Variants in PLXNA4 observed in about 807,000 individuals in gnomAD.
The protein encoded by PLXNA4 is plexin-A4.
PLXNA4 carries 44 observed loss-of-function variants against 191.8 expected under a neutral mutation model. The observed-to-expected ratio is 0.23, with a 90% CI of 0.18 to 0.29. PLXNA4 has a LOEUF of 0.29. PLXNA4 is among the 10% of genes least tolerant of loss of function. PLXNA4 has a pLI of 1.00. For synonymous variants in PLXNA4, 1,082 were observed against 1,009.5 expected, an observed-to-expected ratio of 1.07 and a Z score of -1.36; for missense variants, 1,800 against 2,488.8, an observed-to-expected ratio of 0.72 and a Z score of 5.89.
chr7:132,384,008 C>A, intron 3 of PLXNA4: 1 of 985,466 alleles, frequency 1.0e-6, no homozygotes, highest in African/African-American at 1.7e-5. Flanking sequence ...TGGCCTGTTA[C>A]AAACCTCTGC....
At chr7:132,376,317 A>C (rs1804657663) in intron 3 of PLXNA4, among the ~76,000 whole-genome samples, 1 of 152,196 alleles carries the variant, frequency 6.6e-6, no homozygotes, top group South Asian at 2.1e-4. Context: ...CCGAGGATAC[A>C]GGGAAGGGAA....
At chr7:132,562,061 CT>C (rs1406381913) in intron 1 of PLXNA4, among the ~76,000 whole-genome samples, 49 of 125,862 alleles carry the variant, frequency 3.9e-4, no homozygotes, top group African/African-American at 1.6e-3. Flanking sequence ...CTCCCTCCTC[CT>C]TCTCCTCCTC....
intron 1 of PLXNA4, among the ~76,000 whole-genome samples, chr7:132,562,469 T>TCCTCC (rs1219401216): frequency 1.5e-5 from 1 of 68,376 alleles, no homozygotes; most frequent in Non-Finnish European, 3.0e-5. Flanking sequence ...CTCCTCCTCC[T>TCCTCC]TTCTCCTCCT....
intron 4 of PLXNA4, among the ~76,000 whole-genome samples, chr7:132,294,065 T>C (rs1800988072): frequency 6.6e-6 from 1 of 152,204 alleles, no homozygotes; most frequent in East Asian, 1.9e-4. Context: ...GAGGAAGACA[T>C]ATAATACAGA....
intron 2 of PLXNA4, among the ~76,000 whole-genome samples, chr7:132,641,589 TAAAGC>T (rs1226183059): frequency 1.3e-5 from 2 of 152,204 alleles, no homozygotes; most frequent in East Asian, 3.9e-4. Flanking sequence ...AACAGTCTTG[TAAAGC>T]ATTTTGTTGT....
In PLXNA4 at chr7:132,129,916, T is replaced by A. The variant is rs1328273988; in HGVS notation, c.*563A>T. Reference sequence around the variant, plus strand: ...CCCTGCTCCAGCCACATGCAGGAGGTGTAGCCTTTCTTCTCACAGCTGCAA... The same window carrying A: ...CCCTGCTCCAGCCACATGCAGGAGGAGTAGCCTTTCTTCTCACAGCTGCAA... On this transcript the variant is annotated 3_prime_UTR_variant, in exon 32 of 32. Coordinates refer to ENST00000321063, the MANE Select transcript of PLXNA4 (RefSeq NM_020911.2). 6.4e-6 allele frequency: 1 copy of A among 155,866 alleles called. No individual in the cohort carries two copies. Among genetic ancestry groups the A allele is most frequent in the African/African-American group, 2.4e-5 (1 of 41,442 alleles). 9.7% of individuals were successfully genotyped at this position (155,866 alleles called of 1,614,324 possible).
chr7:132,132,287 A>C (rs1238703695), intron 31 of PLXNA4, among the ~76,000 whole-genome samples: 1 of 152,192 alleles, frequency 6.6e-6, no homozygotes. Flanking sequence ...CCAAAGCACC[A>C]TGGCACTGGC....
At chr7:132,185,727 G>T (rs917254177) in intron 15 of PLXNA4, among the ~76,000 whole-genome samples, 1 of 152,168 alleles carries the variant, frequency 6.6e-6, no homozygotes, top group Non-Finnish European at 1.5e-5. Context: ...GCAAGAATCT[G>T]GCTAAGTCTA....
chr7:132,299,559 G>A (rs1408821623), intron 3 of PLXNA4, among the ~76,000 whole-genome samples: 1 of 152,160 alleles, frequency 6.6e-6, no homozygotes, highest in Non-Finnish European at 1.5e-5. Flanking sequence ...TTCCTTTTAA[G>A]CATTATTTTC....
chr7:132,154,737 A>C (rs560156682), intron 25 of PLXNA4, among the ~76,000 whole-genome samples: 25 of 152,260 alleles, frequency 1.6e-4, no homozygotes, highest in Non-Finnish European at 2.6e-4. Context: ...GTCAGTGGGA[A>C]GGAGGGAAGG....
chr7:132,252,838 G>T (rs996212188), intron 4 of PLXNA4, among the ~76,000 whole-genome samples: 2 of 149,386 alleles, frequency 1.3e-5, no homozygotes, highest in Non-Finnish European at 3.0e-5. Context: ...ATCCACAGGG[G>T]GCTGGCTAAA....
intron 3 of PLXNA4, among the ~76,000 whole-genome samples, chr7:132,473,179 A>G (rs1310144777): frequency 2.6e-5 from 4 of 152,250 alleles, no homozygotes; most frequent in African/African-American, 7.2e-5. Context: ...GAAAAAGATG[A>G]GAACTTGTCA....
At chr7:132,136,012 C>T (rs1795101914) in intron 30 of PLXNA4, among the ~76,000 whole-genome samples, 1 of 152,124 alleles carries the variant, frequency 6.6e-6, no homozygotes, top group Admixed American at 6.5e-5. Flanking sequence ...TTAAGTCTTG[C>T]TGAGAGTCTA....
intron 3 of PLXNA4, among the ~76,000 whole-genome samples, chr7:132,418,236 G>T (rs184972219): frequency 2.0e-5 from 3 of 152,226 alleles, no homozygotes; most frequent in Non-Finnish European, 2.9e-5. Flanking sequence ...CTCAGGAAAG[G>T]TTCTCCTCTC....
intron 3 of PLXNA4, among the ~76,000 whole-genome samples, chr7:132,419,940 C>T (rs368696507): frequency 6.6e-6 from 1 of 151,812 alleles, no homozygotes; most frequent in East Asian, 1.9e-4. Flanking sequence ...TCATTAAATA[C>T]GGAAAAAAAA....
intron 3 of PLXNA4, among the ~76,000 whole-genome samples, chr7:132,378,778 T>C (rs1804766720): frequency 1.3e-5 from 2 of 152,084 alleles, no homozygotes; most frequent in Non-Finnish European, 2.9e-5. Context: ...ATCAGGAGGT[T>C]CTGCTAGTTG....
chr7:132,249,390 C>A (rs1299479982), intron 4 of PLXNA4, among the ~76,000 whole-genome samples: 3 of 152,180 alleles, frequency 2.0e-5, no homozygotes, highest in Admixed American at 6.5e-5. Context: ...CTCGGACAGC[C>A]AAGGAGCGAG....
At chr7:132,364,472 G>A (rs761945651) in intron 3 of PLXNA4, among the ~76,000 whole-genome samples, 1 of 152,152 alleles carries the variant, frequency 6.6e-6, no homozygotes, top group Non-Finnish European at 1.5e-5. Context: ...AAGAGGTTGC[G>A]CTGCCTGGAT....
At chr7:132,176,520 G>A (rs1796461982) in intron 20 of PLXNA4, among the ~76,000 whole-genome samples, 1 of 152,220 alleles carries the variant, frequency 6.6e-6, no homozygotes, top group South Asian at 2.1e-4. Flanking sequence ...GTATGTCAGG[G>A]AGTGTATGTG....
Sources: allele counts gnomAD v4.1 joint callset (sites outside exome capture counted in the v4.1 genomes callset), GRCh38; gene constraint gnomAD v4.1.1; transcripts MANE v1.5; gene names NCBI Gene and HGNC (gene_info 2026-07-23, HGNC 2026-07-21).